The following CHM variants were observed in gnomAD, a reference collection of about 807,000 sequenced individuals.
CHM encodes the protein rab proteins geranylgeranyltransferase component A 1.
A neutral mutation model predicts 49.0 loss-of-function variants in CHM; 10 were observed. The observed-to-expected ratio is 0.20, with a 90% CI of 0.13 to 0.35. The LOEUF is 0.35. CHM is among the 10% of genes least tolerant of loss of function. CHM has a pLI of 1.00. For synonymous variants in CHM, 184 were observed against 167.5 expected (o/e 1.10, Z -0.76); for missense variants, 455 against 478.4 (o/e 0.95, Z 0.46).
chrX:85,970,325 C>T, intron 4 of CHM: 1 of 748,491 alleles, frequency 1.3e-6, no homozygotes, highest in Non-Finnish European at 1.6e-6. Context: ...TTTAATTTCT[C>T]ATTACAGATA....
At chrX:85,977,403 T>C (rs1030796582) in intron 4 of CHM, among the ~76,000 whole-genome samples, 1 of 112,459 alleles carries the variant, frequency 8.9e-6, no homozygotes, top group African/African-American at 3.2e-5. Flanking sequence ...TGAGAAGTTA[T>C]ACAAACGAAA....
chrX:85,949,978 A>AAT (rs200318878), intron 8 of CHM, among the ~76,000 whole-genome samples: 2,139 of 42,679 alleles, frequency 0.05, 111 homozygotes, highest in Non-Finnish European at 0.061. Flanking sequence ...ACTGAAATTA[A>AAT]ATATATATAT....
chrX:85,972,710 G>A (rs1435773303), intron 4 of CHM, among the ~76,000 whole-genome samples: 2 of 112,305 alleles, frequency 1.8e-5, no homozygotes, highest in Non-Finnish European at 3.8e-5. Flanking sequence ...CAAGCGCCAC[G>A]CGCAGCCCCA....
rs1482216707 is a variant in CHM, at chrX:85,864,684, C to T, written c.1908G>A (p.Ser636=). 16 of 1,209,568 alleles carry T rather than the reference C, an allele frequency of 1.3e-5. No individual in the cohort carries two copies. Among genetic ancestry groups the T allele is most frequent in the South Asian group, 7.1e-5 (4 of 56,601 alleles). ...GGTTTGTGCTTTCCTTGAAAGTCTCCGAGTTAGCCTCTGGTATGGCACTGG... is the reference window on the plus strand; with the variant it reads ...GGTTTGTGCTTTCCTTGAAAGTCTCTGAGTTAGCCTCTGGTATGGCACTGG... ...SESSAIPEAN[S]ETFKESTNLG... is the part of the protein sequence containing the mutation. The change falls in exon 15 of 15, where the codon TCG becomes TCA. Residue 636 remains serine (S), a synonymous_variant. Transcript: ENST00000357749.
chrX:85,927,387 T>C (rs1928157737), intron 8 of CHM, among the ~76,000 whole-genome samples: 2 of 111,713 alleles, frequency 1.8e-5, no homozygotes, highest in Non-Finnish European at 3.8e-5. Context: ...GCAAGGAATT[T>C]CCCATTTGTC....
intron 2 of CHM, among the ~76,000 whole-genome samples, chrX:86,018,693 T>G (rs1051003783): frequency 8.9e-6 from 1 of 112,214 alleles, no homozygotes; most frequent in Non-Finnish European, 1.9e-5. Context: ...TAATAGGAAA[T>G]ATCATTCAGC....
chrX:85,895,578 A>C (rs2148146173), intron 11 of CHM, among the ~76,000 whole-genome samples: 1 of 112,405 alleles, frequency 8.9e-6, no homozygotes, highest in East Asian at 2.8e-4. Context: ...TTGCCCTATA[A>C]GTGCTATGCT....
At chrX:85,864,969 C>A in intron 14 of CHM, 148 bp from the exon 15 acceptor site, 1 of 518,676 alleles carries the variant, frequency 1.9e-6, no homozygotes, top group Non-Finnish European at 3.3e-6. Flanking sequence ...ACATGAACTT[C>A]CGTAAGTCTG....
chrX:86,045,274 T>G lies in CHM; in HGVS notation c.49+2210A>C, dbSNP rs777027730. Among the ~76,000 whole-genome samples, 10 of 112,271 alleles carry G rather than the reference T, an allele frequency of 8.9e-5. No homozygotes were observed. The South Asian group carries it at 3.7e-3, about 41-fold the overall frequency. On this transcript the variant is annotated intron_variant, in intron 1 of 14. Coordinates refer to ENST00000357749, the MANE Select transcript of CHM (RefSeq NM_000390.4). ...AAAGCAAACATTTTAAAGGCTACTT[T>G]CAGCAAACTATTTCACAAGAGAAAT...
At chrX:85,961,398 A>G (rs1930287016) in intron 5 of CHM, among the ~76,000 whole-genome samples, 1 of 98,856 alleles carries the variant, frequency 1.0e-5, no homozygotes, top group South Asian at 5.3e-4. Context: ...CCAGCCTGGC[A>G]ACAGAGCAAG....
intron 1 of CHM, among the ~76,000 whole-genome samples, chrX:86,041,578 G>A (rs2147810764): frequency 9.3e-6 from 1 of 107,778 alleles, no homozygotes; most frequent in East Asian, 2.9e-4. Context: ...AAGGACTTTT[G>A]AAATACCATT....
rs950144406 is a variant in CHM at position 85,891,969 on chromosome X, A to C, written c.1510+2219T>G. Among the ~76,000 whole-genome samples, 3 of 112,105 alleles carry C rather than the reference A, an allele frequency of 2.7e-5. No individual in the cohort carries two copies. The South Asian group carries it at 1.1e-3, about 42-fold the overall frequency. Reference sequence around the variant, plus strand: ...GACCTGGATGTGAGACCTGGAGTCAAAGGAGATCATTTTGGAGCTTTAAAA... The same window carrying C: ...GACCTGGATGTGAGACCTGGAGTCACAGGAGATCATTTTGGAGCTTTAAAA... On this transcript the variant is annotated intron_variant, in intron 12 of 14. Transcript: ENST00000357749.
chrX:85,881,850 A>C, intron 12 of CHM, among the ~76,000 whole-genome samples: 1 of 112,268 alleles, frequency 8.9e-6, no homozygotes, highest in East Asian at 2.8e-4. Flanking sequence ...ACTGTAATAT[A>C]TTTATGACAG....
chrX:85,912,043 AAG>A (rs1927060728), intron 8 of CHM, among the ~76,000 whole-genome samples: 1 of 58,476 alleles, frequency 1.7e-5, no homozygotes, highest in African/African-American at 6.7e-5. Flanking sequence ...CACGTACAAA[AAG>A]AGGGAGAAAA....
At chrX:85,984,384 G>A (rs1326735785) in intron 2 of CHM, among the ~76,000 whole-genome samples, 1 of 110,766 alleles carries the variant, frequency 9.0e-6, no homozygotes, top group African/African-American at 3.3e-5. Context: ...TTAGGTAAGT[G>A]CATATTATAA....
intron 8 of CHM, among the ~76,000 whole-genome samples, chrX:85,927,043 T>C (rs1928128889): frequency 8.9e-6 from 1 of 111,818 alleles, no homozygotes; most frequent in African/African-American, 3.2e-5. Context: ...TTGAAATTAA[T>C]ACCTGTGTCT....
Position 85,964,056 on chromosome X carries a change from A to G in CHM, c.315-4T>C, listed in dbSNP as rs1025941474. On this transcript the variant is annotated splice_polypyrimidine_tract_variant and splice_region_variant and intron_variant, in intron 4 of 14. Coordinates refer to ENST00000357749, the MANE Select transcript of CHM (RefSeq NM_000390.4). ...GACATCTTCATGCAAATCCTGACTA[A>G]TAAGAAATATAATAATAAACACCAG... 3.3e-6 allele frequency: 4 copies of G among 1,195,415 alleles called. No homozygotes were observed. The African/African-American group carries it at 7.1e-5, about 21-fold the overall frequency.
intron 9 of CHM, among the ~76,000 whole-genome samples, chrX:85,902,652 C>T (rs1926354737): frequency 9.0e-6 from 1 of 111,210 alleles, no homozygotes; most frequent in African/African-American, 3.3e-5. Context: ...GAAAATAGAT[C>T]TGAAGTATTT....
At chrX:85,930,913 C>T (rs956635775) in intron 8 of CHM, among the ~76,000 whole-genome samples, 6 of 111,234 alleles carry the variant, frequency 5.4e-5, no homozygotes, top group Non-Finnish European at 1.1e-4. Context: ...CACAGAAGAG[C>T]GAAAAAAGCC....
Sources: allele counts gnomAD v4.1 joint callset (sites outside exome capture counted in the v4.1 genomes callset), GRCh38; gene constraint gnomAD v4.1.1; transcripts MANE v1.5; gene names NCBI Gene and HGNC (gene_info 2026-07-23, HGNC 2026-07-21).